Variants in ATXN8OS observed in about 807,000 individuals in gnomAD.
The protein encoded by ATXN8OS is ATXN8 opposite strand (non-protein coding).
chr13:70,112,215 T>C (rs932072562), intron 1 of ATXN8OS, among the ~76,000 whole-genome samples: 4 of 152,116 alleles, frequency 2.6e-5, no homozygotes, highest in East Asian at 1.9e-4. Flanking sequence ...CCCACCCTTA[T>C]GATTCCATCA....
chr13:70,124,198 G>A (rs565711221), intron 2 of ATXN8OS, among the ~76,000 whole-genome samples: 8 of 151,978 alleles, frequency 5.3e-5, no homozygotes, highest in Non-Finnish European at 1.0e-4. Context: ...ATTGGTGGGC[G>A]GTCTCAGCTC....
intron 2 of ATXN8OS, among the ~76,000 whole-genome samples, chr13:70,121,345 T>G (rs73520660): frequency 0.16 from 23,594 of 151,818 alleles, 2,310 homozygotes; most frequent in African/African-American, 0.28. Flanking sequence ...AGGGAAGAGA[T>G]AGTGTTAGAG....
chr13:70,141,560 A>C (rs1191098928), intron 3 of ATXN8OS, among the ~76,000 whole-genome samples: 1 of 152,132 alleles, frequency 6.6e-6, no homozygotes, highest in Non-Finnish European at 1.5e-5. Flanking sequence ...TGCCTTAACC[A>C]ATCTGTAAGA....
At chr13:70,168,047 G>T (rs1304839473) in intron 4 of ATXN8OS, among the ~76,000 whole-genome samples, 1 of 152,012 alleles carries the variant, frequency 6.6e-6, no homozygotes. Flanking sequence ...CTTCTAATGT[G>T]CCCACTTGGC....
At chr13:70,115,274 A>G (rs926614562) in exon 2 of ATXN8OS, 1 of 398,290 alleles carries the variant, frequency 2.5e-6, no homozygotes, top group Non-Finnish European at 4.4e-6. Flanking sequence ...ATGGCAGAAG[A>G]GCAGAGGAGA....
At chr13:70,109,889 T>C (rs1888173799) in intron 1 of ATXN8OS, among the ~76,000 whole-genome samples, 1 of 152,224 alleles carries the variant, frequency 6.6e-6, no homozygotes, top group African/African-American at 2.4e-5. Flanking sequence ...AATTAATTTA[T>C]ATAGAAATTA....
intron 3 of ATXN8OS, among the ~76,000 whole-genome samples, chr13:70,141,839 A>G (rs1387671908): frequency 1.3e-5 from 2 of 152,068 alleles, no homozygotes; most frequent in African/African-American, 4.8e-5. Context: ...TGATAAAACC[A>G]ACACACATAT....
At chr13:70,142,018 G>C (rs1888725098) in intron 3 of ATXN8OS, among the ~76,000 whole-genome samples, 1 of 152,014 alleles carries the variant, frequency 6.6e-6, no homozygotes, top group African/African-American at 2.4e-5. Flanking sequence ...TGAGTAGCTG[G>C]GAGGACAGGC....
intron 4 of ATXN8OS, among the ~76,000 whole-genome samples, chr13:70,154,775 C>G (rs891220624): frequency 6.6e-6 from 1 of 152,192 alleles, no homozygotes; most frequent in African/African-American, 2.4e-5. Flanking sequence ...TAACTAGTGA[C>G]TTCAAGTATT....
intron 2 of ATXN8OS, among the ~76,000 whole-genome samples, chr13:70,125,516 G>A (rs953684066): frequency 1.3e-5 from 2 of 152,008 alleles, no homozygotes; most frequent in Non-Finnish European, 2.9e-5. Flanking sequence ...ATTTCTCCAG[G>A]TTTGTTTGTT....
At chr13:70,140,806 G>GA (rs201060461) in intron 3 of ATXN8OS, among the ~76,000 whole-genome samples, 10 of 147,608 alleles carry the variant, frequency 6.8e-5, no homozygotes, top group South Asian at 2.1e-4. Context: ...TTATTTGAAA[G>GA]AAAAAAAAAA....
intron 2 of ATXN8OS, among the ~76,000 whole-genome samples, chr13:70,126,632 C>T (rs761435190): frequency 6.6e-6 from 1 of 150,378 alleles, no homozygotes; most frequent in Non-Finnish European, 1.5e-5. Flanking sequence ...TGAAATCTTA[C>T]ATGGGCAGGT....
chr13:70,139,758 C>T (rs933472668), intron 3 of ATXN8OS, among the ~76,000 whole-genome samples: 5 of 152,096 alleles, frequency 3.3e-5, no homozygotes, highest in African/African-American at 1.2e-4. Flanking sequence ...AGGTGCATAA[C>T]ATAAATTATT....
chr13:70,157,961 T>C (rs540292188), intron 4 of ATXN8OS, among the ~76,000 whole-genome samples: 1 of 152,304 alleles, frequency 6.6e-6, no homozygotes, highest in African/African-American at 2.4e-5. Context: ...AAAAAATCAT[T>C]TGAGCCATGA....
intron 2 of ATXN8OS, among the ~76,000 whole-genome samples, chr13:70,123,437 T>C (rs568599249): frequency 7.2e-5 from 11 of 152,248 alleles, no homozygotes; most frequent in Non-Finnish European, 1.5e-4. Context: ...GTATTTACTA[T>C]TGAAGGTATT....
chr13:70,160,249 G>A (rs1010319555), intron 4 of ATXN8OS, among the ~76,000 whole-genome samples: 4 of 151,942 alleles, frequency 2.6e-5, no homozygotes, highest in African/African-American at 9.7e-5. Flanking sequence ...ATTATAATAG[G>A]TATGTATTTG....
chr13:70,140,693 G>T (rs575258090), intron 3 of ATXN8OS, among the ~76,000 whole-genome samples: 12 of 152,204 alleles, frequency 7.9e-5, no homozygotes, highest in Non-Finnish European at 1.8e-4. Context: ...CTCTTCTGCA[G>T]ATGAACTTTC....
rs898471491 is a variant in ATXN8OS at position 70,171,604 on chromosome 13, T to A, written n.2425T>A. On this transcript the variant is annotated non_coding_transcript_exon_variant, in exon 5 of 5. Transcript: ENST00000678624. ...CAGCTTCATCATAATCTTAGGGAAC[T>A]ACCCTGGTATATGCAGTTTGTAGTT... 2.6e-5 allele frequency among the ~76,000 whole-genome samples: 4 copies of A among 152,134 alleles called. 1 individual carries two copies. The highest frequency in any genetic ancestry group is 6.6e-5 in the Admixed American group (1 of 15,244).
chr13:70,112,561 A>C (rs1204493428), intron 1 of ATXN8OS, among the ~76,000 whole-genome samples: 1 of 152,130 alleles, frequency 6.6e-6, no homozygotes, highest in African/African-American at 2.4e-5. Flanking sequence ...AGTTTACTTA[A>C]GTGTCAATTA....
Sources: gnomAD v4.1 joint callset for allele counts (sites outside exome capture counted in the v4.1 genomes callset) on GRCh38, gnomAD v4.1.1 for gene constraint, MANE v1.5 for transcripts, NCBI Gene and HGNC (gene_info 2026-07-23, HGNC 2026-07-21) for gene names.